The following CEP57 variants were observed in gnomAD, a reference collection of about 807,000 sequenced individuals.
CEP57 encodes centrosomal protein 57.
In CEP57, 40 loss-of-function variants were observed where a neutral mutation model predicts 68.0. The observed-to-expected ratio is 0.59, with a 90% CI of 0.46 to 0.77. The LOEUF (loss-of-function observed/expected upper bound fraction) is 0.77, where lower values mean the gene tolerates loss of function less well. CEP57 is among the 30% of genes least tolerant of loss of function. The probability of loss-of-function intolerance (pLI) is 0.00; values close to 1 mark genes in which losing one functional copy is unlikely to be tolerated. For missense variants in CEP57, 606 were observed against 580.7 expected (o/e 1.04, Z -0.45); for synonymous variants, 219 against 198.7 (o/e 1.10, Z -0.86).
At chr11:95,810,785 T>C (rs1470121660) in intron 2 of CEP57, among the ~76,000 whole-genome samples, 3 of 152,208 alleles carry the variant, frequency 2.0e-5, no homozygotes, top group East Asian at 3.9e-4. Flanking sequence ...AGGTAATTTA[T>C]AGATTCAATG....
In CEP57 at chr11:95,796,990, A is replaced by G. The variant is rs182733898; in HGVS notation, c.46-2242A>G. Among the ~76,000 whole-genome samples, 381 of 152,284 alleles carry G rather than the reference A, an allele frequency of 2.5e-3. 2 individuals are homozygous for G. Among genetic ancestry groups the G allele is most frequent in the African/African-American group, 8.9e-3 (371 of 41,554 alleles). On this transcript the variant is annotated intron_variant, in intron 1 of 10. Transcript: ENST00000325542. Reference sequence around the variant, plus strand: ...TTCCCAGCATATCAGTATGTTCAACAATCTAGAAGCTCCCCAAACCTCATT... The same window carrying G: ...TTCCCAGCATATCAGTATGTTCAACGATCTAGAAGCTCCCCAAACCTCATT...
chr11:95,811,385 A>G (rs1271543460), intron 2 of CEP57, among the ~76,000 whole-genome samples: 1 of 138,722 alleles, frequency 7.2e-6, no homozygotes, highest in Admixed American at 7.6e-5. Context: ...AACAATGAGA[A>G]CACTTGGACA....
intron 2 of CEP57, among the ~76,000 whole-genome samples, chr11:95,811,433 G>GT (rs1210778162): frequency 1.5e-5 from 2 of 129,316 alleles, no homozygotes; most frequent in East Asian, 2.4e-4. Context: ...CCTGTCGTGG[G>GT]TTGGGGGGAG....
intron 8 of CEP57, chr11:95,823,189 G>C (rs1862585098): frequency 6.6e-6 from 1 of 152,246 alleles, no homozygotes. Context: ...CTGGCATCTT[G>C]GGAAGTAAAT....
intron 6 of CEP57, among the ~76,000 whole-genome samples, chr11:95,821,474 G>C (rs1862515552): frequency 6.6e-6 from 1 of 152,144 alleles, no homozygotes; most frequent in South Asian, 2.1e-4. Context: ...AGAAAGGGAA[G>C]AAATGTATTC....
intron 6 of CEP57, among the ~76,000 whole-genome samples, chr11:95,819,383 T>C (rs1821564655): frequency 6.6e-6 from 1 of 152,216 alleles, no homozygotes; most frequent in Admixed American, 6.5e-5. Context: ...TACTCTCTCC[T>C]ACTTTTGGAT....
chr11:95,813,652 A>G, intron 4 of CEP57, 63 bp downstream of exon 4: 4 of 1,598,300 alleles, frequency 2.5e-6, no homozygotes, highest in Non-Finnish European at 3.4e-6. Context: ...AATTGAATAA[A>G]GACTTTTTTT....
At chr11:95,807,905 GAC>G (rs1861878987) in intron 2 of CEP57, among the ~76,000 whole-genome samples, 1 of 152,212 alleles carries the variant, frequency 6.6e-6, no homozygotes, top group East Asian at 1.9e-4. Context: ...GCAACTCCAA[GAC>G]ACATAATTGT....
intron 9 of CEP57, 87 bp from the exon 10 acceptor site, chr11:95,829,100 T>C (rs1450134893): frequency 1.3e-5 from 18 of 1,385,012 alleles, no homozygotes; most frequent in Non-Finnish European, 1.7e-5. Flanking sequence ...TTTAAACACA[T>C]GGAGCAGTAA....
intron 4 of CEP57, 99 bp downstream of exon 4, chr11:95,813,688 T>A: frequency 6.9e-7 from 1 of 1,443,844 alleles, no homozygotes; most frequent in Non-Finnish European, 9.6e-7. Context: ...AATGGTGCTG[T>A]TACAGCCCAG....
rs1862799254 is a variant in CEP57, at chr11:95,827,610, T to G, written c.886-176T>G. 6 of 705,260 alleles carry G rather than the reference T, an allele frequency of 8.5e-6. No individual in the cohort carries two copies. In the South Asian group the frequency reaches 1.1e-4, roughly 13 times the overall value. The allele number at this position is 705,260 out of a possible 1,614,324, so 43.7% of individuals were successfully genotyped here. On this transcript the variant is annotated intron_variant, in intron 8 of 10. Coordinates refer to ENST00000325542, the MANE Select transcript of CEP57 (RefSeq NM_014679.5). ...CCTTATTTTCCATTCTGAAACATAG[T>G]TAGTGGATTTATATCAAAGGATTTC... is the stretch of plus-strand genomic sequence containing the variant.
Position 95,799,281 on chromosome 11 carries a change from C to T in CEP57, c.95C>T (p.Ser32Phe), listed in dbSNP as rs139110744. ...SRSNGSMVRH[S>F]SSPYVVYPSD... ...TCTAATGGAAGCATGGTTCGGCATT[C>T]TTCATCTCCATATGTAGTATATCCT... Residue 32 changes from serine (S) to phenylalanine (F), a missense_variant, in exon 2 of 11, where the codon TCT (serine) becomes TTT (phenylalanine). Physicochemically the swap from Ser to Phe is radical, Grantham distance 155. Coordinates refer to ENST00000325542, the MANE Select transcript of CEP57 (RefSeq NM_014679.5). The T allele has an allele frequency of 2.0e-4, 321 of 1,613,972 alleles. 1 individual carries two copies. Among genetic ancestry groups the T allele is most frequent in the Middle Eastern group, 9.9e-4 (6 of 6,078 alleles).
chr11:95,796,482 T>C (rs1861354312), intron 1 of CEP57, among the ~76,000 whole-genome samples: 1 of 152,204 alleles, frequency 6.6e-6, no homozygotes, highest in Non-Finnish European at 1.5e-5. Flanking sequence ...CCAAAAGCTT[T>C]TGGTGATCTC....
At chr11:95,814,176 C>T (rs1351373659) in intron 4 of CEP57, among the ~76,000 whole-genome samples, 1 of 152,152 alleles carries the variant, frequency 6.6e-6, no homozygotes, top group African/African-American at 2.4e-5. Context: ...CCTCATCCTC[C>T]CGAGTAGCTG....
chr11:95,827,758 A>T (rs1862805707), intron 8 of CEP57, 28 bp from the exon 9 acceptor site: 1 of 1,613,202 alleles, frequency 6.2e-7, no homozygotes, highest in African/African-American at 1.3e-5. Context: ...AACTTCAATT[A>T]CTTCTTTCAT....
Position 95,813,512 on chromosome 11 carries a change from T to G in CEP57, c.427T>G (p.Leu143Val). 6.2e-7 allele frequency: 1 copy of G among 1,612,926 alleles called. No homozygotes were observed. The highest frequency in any genetic ancestry group is 8.5e-7 in the Non-Finnish European group (1 of 1,179,882). Residue 143 changes from leucine (L) to valine (V), a missense_variant, in exon 4 of 11, where the codon TTA becomes GTA. By Grantham distance (32) the Leu-to-Val change is conservative (BLOSUM62 1). Transcript: ENST00000325542. Reference sequence around the variant, plus strand: ...AGCTGCAGAAAATAAATGCAATCTATTAGAAAAACAATTGGAATACATGCG... The same window carrying G: ...AGCTGCAGAAAATAAATGCAATCTAGTAGAAAAACAATTGGAATACATGCG... The part of the protein sequence containing the change: ...LLAAENKCNL[L>V]EKQLEYMRNM...
chr11:95,825,456 A>T (rs895882730), intron 8 of CEP57, among the ~76,000 whole-genome samples: 3 of 152,212 alleles, frequency 2.0e-5, no homozygotes, highest in Admixed American at 2.0e-4. Flanking sequence ...GAATTAACAG[A>T]AGATGACTGG....
chr11:95,802,576 T>C (rs1038741360), intron 2 of CEP57, among the ~76,000 whole-genome samples: 2 of 152,182 alleles, frequency 1.3e-5, no homozygotes, highest in African/African-American at 4.8e-5. Context: ...TTTTATTGCT[T>C]CATCAAGGAC....
intron 2 of CEP57, among the ~76,000 whole-genome samples, chr11:95,806,728 A>T (rs478734): frequency 9.9e-5 from 15 of 152,146 alleles, no homozygotes; most frequent in Non-Finnish European, 1.6e-4. Context: ...CTGGAAGCTC[A>T]AACTGGGTGG....
Sources: allele counts gnomAD v4.1 joint callset (sites outside exome capture counted in the v4.1 genomes callset), GRCh38; gene constraint gnomAD v4.1.1; transcripts MANE v1.5; gene names NCBI Gene and HGNC (gene_info 2026-07-23, HGNC 2026-07-21).